The following PDE4D variants were observed in gnomAD, a reference collection of about 807,000 sequenced individuals.
PDE4D encodes the protein phosphodiesterase 4D.
PDE4D carries 24 observed loss-of-function variants against 87.4 expected under a neutral mutation model. That is an observed-to-expected ratio of 0.27 (90% CI 0.20 to 0.39). The LOEUF (loss-of-function observed/expected upper bound fraction) is 0.39, where lower values mean the gene tolerates loss of function less well. PDE4D is among the 10% of genes least tolerant of loss of function. PDE4D has a pLI of 1.00. For synonymous variants in PDE4D, 384 were observed against 383.2 expected (o/e 1.00, Z -0.02); for missense variants, 714 against 1,041.0 (o/e 0.69, Z 4.32).
rs750853200 is a variant in PDE4D at position 58,993,478 on chromosome 5, A to G, written c.922-13T>C. On this transcript the variant is annotated splice_polypyrimidine_tract_variant and intron_variant, in intron 6 of 14. Coordinates refer to ENST00000340635, the MANE Select transcript of PDE4D (RefSeq NM_001104631.2). ...GCATCCTTTTAAACTGAAAAACAGA[A>G]AAGTAAAATGAAATAATAGAAGAGG... 6.6e-6 allele frequency: 10 copies of G among 1,520,822 alleles called. No homozygotes were observed. Among genetic ancestry groups the G allele is most frequent in the Non-Finnish European group, 7.2e-6 (8 of 1,110,984 alleles). The allele number at this position is 1,520,822 out of a possible 1,614,324, so 94.2% of individuals were successfully genotyped here. A position where few individuals can be genotyped will look rare whatever the true frequency, so the allele number is the denominator to read the frequency against.
At chr5:60,433,323 C>G (rs751687729) in intron 1 of PDE4D, among the ~76,000 whole-genome samples, 10 of 152,136 alleles carry the variant, frequency 6.6e-5, no homozygotes, top group Non-Finnish European at 1.3e-4. Context: ...TGAAAAAATA[C>G]TCATCATCAC....
chr5:59,929,850 A>G (rs1166177595), intron 3 of PDE4D, among the ~76,000 whole-genome samples: 1 of 152,158 alleles, frequency 6.6e-6, no homozygotes, highest in Admixed American at 6.5e-5. Flanking sequence ...TTTCAAAGTT[A>G]ATGAACAAGG....
intron 2 of PDE4D, among the ~76,000 whole-genome samples, chr5:60,059,485 G>A (rs948505032): frequency 2.0e-5 from 3 of 152,034 alleles, no homozygotes; most frequent in Non-Finnish European, 4.4e-5. Context: ...AGAGAGTCAT[G>A]AGAATACAAA....
intron 1 of PDE4D, among the ~76,000 whole-genome samples, chr5:59,376,633 C>T (rs902166769): frequency 6.6e-6 from 1 of 152,118 alleles, no homozygotes; most frequent in Non-Finnish European, 1.5e-5. Flanking sequence ...AGATTCAGTG[C>T]TATTTTTAAT....
chr5:60,420,250 A>G (rs577332759), intron 1 of PDE4D, among the ~76,000 whole-genome samples: 1 of 152,314 alleles, frequency 6.6e-6, no homozygotes, highest in East Asian at 1.9e-4. Context: ...GTACCTCTCT[A>G]CAAGTAAAGA....
intron 1 of PDE4D, among the ~76,000 whole-genome samples, chr5:60,352,145 C>T (rs1759257225): frequency 6.6e-6 from 1 of 151,944 alleles, no homozygotes; most frequent in Non-Finnish European, 1.5e-5. Flanking sequence ...CTAAATTCTC[C>T]TATATACTCA....
At chr5:59,384,770 T>G (rs541879472) in intron 1 of PDE4D, among the ~76,000 whole-genome samples, 31 of 123,368 alleles carry the variant, frequency 2.5e-4, no homozygotes, top group South Asian at 1.5e-3. Flanking sequence ...TTATACTGGG[T>G]TTTTTTTTCT....
At chr5:59,471,163 T>C (rs966984821) in intron 1 of PDE4D, among the ~76,000 whole-genome samples, 1 of 152,250 alleles carries the variant, frequency 6.6e-6, no homozygotes, top group East Asian at 1.9e-4. Flanking sequence ...GAGGACTGCT[T>C]GAGCCCAGGA....
chr5:59,512,195 T>C (rs1275882246), intron 1 of PDE4D, among the ~76,000 whole-genome samples: 1 of 152,214 alleles, frequency 6.6e-6, no homozygotes, highest in African/African-American at 2.4e-5. Flanking sequence ...TCCTCATCTT[T>C]AGAGATTCTA....
In PDE4D at chr5:58,974,709, G is replaced by C. The variant is rs1229281111; in HGVS notation, c.2385C>G (p.Ser795Arg). The C allele has an allele frequency of 1.9e-6, 3 of 1,610,968 alleles. No individual in the cohort carries two copies. In the East Asian group the frequency reaches 6.7e-5, roughly 36 times the overall value. Reference protein sequence around the residue: ...EEEAVGEEEESQPEACVIDDR... With the variant: ...EEEAVGEEEERQPEACVIDDR... ...CATCTATGACACAGGCTTCAGGCTGGCTTTCCTCTTCTTCCCCTACTGCCT... is the reference window on the plus strand; with the variant it reads ...CATCTATGACACAGGCTTCAGGCTGCCTTTCCTCTTCTTCCCCTACTGCCT... Residue 795 changes from serine to arginine, a missense_variant, in exon 15 of 15, where the codon AGC becomes AGG. This residue lies in a region of PDE4D where 90 missense variants were observed against 95.3 expected (regional missense o/e 0.94). Transcript: ENST00000340635.
intron 1 of PDE4D, among the ~76,000 whole-genome samples, chr5:59,531,338 C>G (rs1029955063): frequency 1.3e-5 from 2 of 152,158 alleles, no homozygotes; most frequent in Middle Eastern, 3.2e-3. Context: ...AATTGCATCC[C>G]TACTGATAAC....
intron 1 of PDE4D, among the ~76,000 whole-genome samples, chr5:59,717,103 G>A (rs1054669225): frequency 6.6e-6 from 1 of 152,096 alleles, no homozygotes; most frequent in Admixed American, 6.5e-5. Context: ...AAACTGATGC[G>A]AATTCCTGAC....
intron 2 of PDE4D, among the ~76,000 whole-genome samples, chr5:60,045,781 T>C (rs1769159219): frequency 6.6e-6 from 1 of 152,242 alleles, no homozygotes; most frequent in Non-Finnish European, 1.5e-5. Context: ...TAGTATAGTT[T>C]GAAGTCAAGT....
At chr5:59,705,282 C>T (rs192582836) in intron 1 of PDE4D, among the ~76,000 whole-genome samples, 210 of 152,270 alleles carry the variant, frequency 1.4e-3, no homozygotes, top group African/African-American at 4.9e-3. Flanking sequence ...CTGGAGCCTC[C>T]TTGAGTTAAA....
intron 3 of PDE4D, among the ~76,000 whole-genome samples, chr5:59,915,971 T>A (rs1202193971): frequency 6.6e-6 from 1 of 152,114 alleles, no homozygotes; most frequent in African/African-American, 2.4e-5. Flanking sequence ...CAAAAGTAAT[T>A]TTTCCCCACA....
chr5:59,386,534 C>G (rs2702362), intron 1 of PDE4D, among the ~76,000 whole-genome samples: 100,117 of 151,532 alleles, frequency 0.66, 33,770 homozygotes, highest in African/African-American at 0.78. Context: ...ATGACTTGGG[C>G]CTGGGCATGG....
chr5:60,139,826 A>G (rs979232738), intron 2 of PDE4D, among the ~76,000 whole-genome samples: 3 of 152,094 alleles, frequency 2.0e-5, no homozygotes, highest in Admixed American at 6.6e-5. Context: ...AAGAATCCAC[A>G]TTGAAATAAT....
intron 1 of PDE4D, among the ~76,000 whole-genome samples, chr5:59,705,478 C>T (rs1024966547): frequency 2.6e-5 from 4 of 152,086 alleles, no homozygotes; most frequent in Non-Finnish European, 5.9e-5. Context: ...TTTTCATGGA[C>T]CATTGAAGGC....
At chr5:59,139,438 C>T (rs894476299) in intron 5 of PDE4D, among the ~76,000 whole-genome samples, 11 of 152,024 alleles carry the variant, frequency 7.2e-5, no homozygotes, top group African/African-American at 2.7e-4. Flanking sequence ...TTAAACTTTA[C>T]CCTGAAGGCA....
Sources: allele counts gnomAD v4.1 joint callset (sites outside exome capture counted in the v4.1 genomes callset), GRCh38; gene constraint gnomAD v4.1.1; regional missense constraint gnomAD v4.1.1; transcripts MANE v1.5; gene names NCBI Gene and HGNC (gene_info 2026-07-23, HGNC 2026-07-21).